KIRREL3: variants seen among roughly 807,000 people sequenced by gnomAD.
KIRREL3 encodes the protein kin of IRRE-like protein 3.
A neutral mutation model predicts 89.7 loss-of-function variants in KIRREL3; 36 were observed. The ratio of observed to expected loss-of-function variants is 0.40; its 90% CI spans 0.31 to 0.53. The LOEUF is 0.53. Among genes scored for constraint, KIRREL3 ranks in the 20% least tolerant of loss-of-function variants. The probability of loss-of-function intolerance (pLI) is 0.49; values close to 1 mark genes in which losing one functional copy is unlikely to be tolerated. For missense variants in KIRREL3, 864 were observed against 1,056.6 expected (o/e 0.82, Z 2.53); for synonymous variants, 445 against 441.4 (o/e 1.01, Z -0.10).
At position 126,647,996 on chromosome 11, in the gene KIRREL3, A is replaced by T. The variant is rs899544801; in HGVS notation, c.56-85084T>A. Among the ~76,000 whole-genome samples the T allele has an allele frequency of 1.2e-4, 18 of 152,066 alleles. No individual in the cohort carries two copies. The highest frequency in any genetic ancestry group is 4.3e-4 in the African/African-American group (18 of 41,408). ...AATGTCATGTCATATTGTAATCCCC[A>T]GTGTTGGAGGAGGGGCCTGGTAGGA... On this transcript the variant is annotated intron_variant, in intron 1 of 16. Coordinates refer to ENST00000525144, the MANE Select transcript of KIRREL3 (RefSeq NM_032531.4). The surrounding 1 kb of genome is among the most constrained non-coding windows in gnomAD (Gnocchi z 4.9).
chr11:126,580,797 C>G (rs1941503294), intron 1 of KIRREL3, among the ~76,000 whole-genome samples: 1 of 151,958 alleles, frequency 6.6e-6, no homozygotes, highest in African/African-American at 2.4e-5. Context: ...ACCTCCCCTC[C>G]CCATCCCCAC....
rs981387166 is a variant in KIRREL3, at chr11:126,766,960, C to T, written c.56-204048G>A. Among the ~76,000 whole-genome samples, 7 of 152,158 alleles carry T rather than the reference C, an allele frequency of 4.6e-5. No individual in the cohort carries two copies. The highest frequency in any genetic ancestry group is 1.7e-4 in the African/African-American group (7 of 41,446). ...TTTGACCACAAGAGCCTGGTCTAGG[C>T]ACATAGATTAGAGACTCTGCATTGA... On this transcript the variant is annotated intron_variant, in intron 1 of 16. Transcript: ENST00000525144. This position sits in a 1 kb window ranked among gnomAD's most constrained non-coding sequence, Gnocchi z 4.2.
rs1950201378 is a variant in KIRREL3 at position 126,997,184 on chromosome 11, C to A, written c.55+3271G>T. ...ACAGAAGGAAATAGTTGTGGGTGAACTGAAATGATAAAGAGGAAAAAATAT... is the reference window on the plus strand; with the variant it reads ...ACAGAAGGAAATAGTTGTGGGTGAAATGAAATGATAAAGAGGAAAAAATAT... On this transcript the variant is annotated intron_variant, in intron 1 of 16. Coordinates refer to ENST00000525144, the MANE Select transcript of KIRREL3 (RefSeq NM_032531.4). The surrounding 1 kb of genome is among the most constrained non-coding windows in gnomAD (Gnocchi z 4.3). Among the ~76,000 whole-genome samples, 1 of 152,056 alleles carries A rather than the reference C, an allele frequency of 6.6e-6. No homozygotes were observed. The highest frequency in any genetic ancestry group is 2.1e-4 in the South Asian group (1 of 4,824).
At position 126,441,318 on chromosome 11, in the gene KIRREL3, C is replaced by T. The variant is rs563299851; in HGVS notation, c.1253-769G>A. Among the ~76,000 whole-genome samples the T allele has an allele frequency of 5.3e-5, 8 of 152,372 alleles. No individual in the cohort carries two copies. The highest frequency in any genetic ancestry group is 1.2e-4 in the Non-Finnish European group (8 of 68,034). Reference sequence around the variant, plus strand: ...AGGTTCTGAGAGCGCCTGTCTCATTCACCACATTGCACAGCCAAGAGAGTT... The same window carrying T: ...AGGTTCTGAGAGCGCCTGTCTCATTTACCACATTGCACAGCCAAGAGAGTT... On this transcript the variant is annotated intron_variant, in intron 10 of 16. Coordinates refer to ENST00000525144, the MANE Select transcript of KIRREL3 (RefSeq NM_032531.4). This position sits in a 1 kb window ranked among gnomAD's most constrained non-coding sequence, Gnocchi z 5.0.
intron 2 of KIRREL3, among the ~76,000 whole-genome samples, chr11:126,547,315 T>G (rs1938883573): frequency 6.6e-6 from 1 of 152,260 alleles, no homozygotes; most frequent in Non-Finnish European, 1.5e-5. Context: ...CTTTGGTGTA[T>G]TAGTGTCTCT....
chr11:126,872,886 C>T lies in KIRREL3; in HGVS notation c.55+127569G>A, dbSNP rs887620015. Among the ~76,000 whole-genome samples the T allele has an allele frequency of 2.0e-5, 3 of 152,026 alleles. No homozygotes were observed. The highest frequency in any genetic ancestry group is 4.8e-5 in the African/African-American group (2 of 41,386). The stretch of plus-strand genomic sequence containing the variant: ...GGCCTCCTGGGCATCTAAGTGACGG[C>T]CACTGTTCACCAGCTGTGCCGAGTT... On this transcript the variant is annotated intron_variant, in intron 1 of 16. Transcript: ENST00000525144. This position sits in a 1 kb window ranked among gnomAD's most constrained non-coding sequence, Gnocchi z 4.2.
intron 1 of KIRREL3, among the ~76,000 whole-genome samples, chr11:126,916,423 G>A (rs754187141): frequency 7.9e-5 from 12 of 152,138 alleles, no homozygotes; most frequent in East Asian, 1.9e-4. Flanking sequence ...ACGTACCCAG[G>A]TGATGTCAGT....
At chr11:126,827,006 G>A (rs995055547) in intron 1 of KIRREL3, among the ~76,000 whole-genome samples, 2 of 152,116 alleles carry the variant, frequency 1.3e-5, no homozygotes, top group African/African-American at 4.8e-5. Flanking sequence ...TGGGCAGAGG[G>A]CTTTCCTTGT....
At chr11:126,554,651 T>A (rs1844285164) in intron 2 of KIRREL3, among the ~76,000 whole-genome samples, 1 of 152,116 alleles carries the variant, frequency 6.6e-6, no homozygotes, top group African/African-American at 2.4e-5. Context: ...GCTCCTGGGA[T>A]CTAATGGAGA....
intron 4 of KIRREL3, among the ~76,000 whole-genome samples, chr11:126,518,042 A>C (rs924651050): frequency 6.6e-6 from 1 of 152,176 alleles, no homozygotes. Flanking sequence ...ACCTGACCTA[A>C]AATCCCCAGT....
rs1350274362 is a variant in KIRREL3, at chr11:126,608,762, C to G, written c.56-45850G>C. On this transcript the variant is annotated intron_variant, in intron 1 of 16. Coordinates refer to ENST00000525144, the MANE Select transcript of KIRREL3 (RefSeq NM_032531.4). The surrounding 1 kb of genome is among the most constrained non-coding windows in gnomAD (Gnocchi z 4.9). Reference sequence around the variant, plus strand: ...AGAGGCAGAGCATTGGGCCTGCTGGCAAACTGCTAACTGGCACAGGTGACT... The same window carrying G: ...AGAGGCAGAGCATTGGGCCTGCTGGGAAACTGCTAACTGGCACAGGTGACT... Among the ~76,000 whole-genome samples, 1 of 152,204 alleles carries G rather than the reference C, an allele frequency of 6.6e-6. No individual in the cohort carries two copies. Among genetic ancestry groups the G allele is most frequent in the African/African-American group, 2.4e-5 (1 of 41,446 alleles).
rs867811328 is a variant in KIRREL3, at chr11:126,647,375, C to G, written c.56-84463G>C. Among the ~76,000 whole-genome samples, 1 of 152,186 alleles carries G rather than the reference C, an allele frequency of 6.6e-6. No individual in the cohort carries two copies. Among genetic ancestry groups the G allele is most frequent in the South Asian group, 2.1e-4 (1 of 4,832 alleles). ...TGAGTTTCTGCTAGGTAAGGAAACC[C>G]AGCCCCAGGAGGGAGACTGAGATAT... On this transcript the variant is annotated intron_variant, in intron 1 of 16. Coordinates refer to ENST00000525144, the MANE Select transcript of KIRREL3 (RefSeq NM_032531.4). This position sits in a 1 kb window ranked among gnomAD's most constrained non-coding sequence, Gnocchi z 4.9.
intron 4 of KIRREL3, among the ~76,000 whole-genome samples, chr11:126,503,107 A>G (rs1243802168): frequency 1.3e-5 from 2 of 152,178 alleles, no homozygotes; most frequent in Non-Finnish European, 2.9e-5. Context: ...GAACCTGTTT[A>G]GATAAGATTG....
chr11:126,472,361 T>C, intron 5 of KIRREL3, among the ~76,000 whole-genome samples: 1 of 152,200 alleles, frequency 6.6e-6, no homozygotes. Flanking sequence ...TTGTTGTCTG[T>C]TGAGGGACAG....
In KIRREL3 at chr11:126,519,459, T is replaced by C. The variant is rs944466673; in HGVS notation, c.433+1856A>G. Among the ~76,000 whole-genome samples the C allele has an allele frequency of 2.6e-5, 4 of 152,274 alleles. No individual in the cohort carries two copies. The highest frequency in any genetic ancestry group is 5.9e-5 in the Non-Finnish European group (4 of 68,054). On this transcript the variant is annotated intron_variant, in intron 4 of 16. Transcript: ENST00000525144. The surrounding 1 kb of genome is among the most constrained non-coding windows in gnomAD (Gnocchi z 4.3). ...CATTCGAAATAATCTGGACTTTTAA[T>C]ACGTTGGACTTTTTTACGTAACGTA...
At chr11:126,631,670 G>C (rs565078568) in intron 1 of KIRREL3, among the ~76,000 whole-genome samples, 43 of 152,316 alleles carry the variant, frequency 2.8e-4, no homozygotes, top group African/African-American at 1.0e-3. Context: ...GCCTTTTCCT[G>C]TATTGACATA....
In KIRREL3 at chr11:126,795,744, C is replaced by CA. The variant is rs929085766; in HGVS notation, c.55+204710dup. 3.3e-5 allele frequency among the ~76,000 whole-genome samples: 5 copies of CA among 152,014 alleles called. No homozygotes were observed. The highest frequency in any genetic ancestry group is 4.8e-5 in the African/African-American group (2 of 41,400). ...ATATTTCTGTAAACCTAAAAATCCT[C>CA]AAAAAAATGAAGTTTTTTAATTAAA... On this transcript the variant is annotated intron_variant, in intron 1 of 16. Transcript: ENST00000525144. This position sits in a 1 kb window ranked among gnomAD's most constrained non-coding sequence, Gnocchi z 4.1.
Position 126,569,073 on chromosome 11 carries a change from G to A in KIRREL3, c.56-6161C>T, listed in dbSNP as rs1243008808. On this transcript the variant is annotated intron_variant, in intron 1 of 16. Coordinates refer to ENST00000525144, the MANE Select transcript of KIRREL3 (RefSeq NM_032531.4). This position sits in a 1 kb window ranked among gnomAD's most constrained non-coding sequence, Gnocchi z 6.5. ...ATGAATCAGAGACATTCCAAGAAGAGACAGTGGTGCTAAGTGACAGAGTGG... is the reference window on the plus strand; with the variant it reads ...ATGAATCAGAGACATTCCAAGAAGAAACAGTGGTGCTAAGTGACAGAGTGG... Among the ~76,000 whole-genome samples, 2 of 152,070 alleles carry A rather than the reference G, an allele frequency of 1.3e-5. No homozygotes were observed. Among genetic ancestry groups the A allele is most frequent in the Non-Finnish European group, 2.9e-5 (2 of 68,036 alleles).
chr11:126,989,375 C>T lies in KIRREL3; in HGVS notation c.55+11080G>A, dbSNP rs74354020. On this transcript the variant is annotated intron_variant, in intron 1 of 16. Transcript: ENST00000525144. This position sits in a 1 kb window ranked among gnomAD's most constrained non-coding sequence, Gnocchi z 6.2. ...GCAGCTCACCCTGATGCAGAGAGAG[C>T]GGCAAGGGACTCTGATGGTGAGTCA... Among the ~76,000 whole-genome samples, 2 of 152,070 alleles carry T rather than the reference C, an allele frequency of 1.3e-5. No homozygotes were observed. Among genetic ancestry groups the T allele is most frequent in the South Asian group, 2.1e-4 (1 of 4,830 alleles).
Sources: gnomAD v4.1 joint callset for allele counts (sites outside exome capture counted in the v4.1 genomes callset) on GRCh38, gnomAD v4.1.1 for gene constraint, Gnocchi (gnomAD v3.1) non-coding constraint, MANE v1.5 for transcripts, NCBI Gene and HGNC (gene_info 2026-07-23, HGNC 2026-07-21) for gene names.